Variants in MTHFD1L observed in about 807,000 individuals in gnomAD.
MTHFD1L encodes the protein methylenetetrahydrofolate dehydrogenase (NADP+ dependent) 1 like, also known as monofunctional C1-tetrahydrofolate synthase, mitochondrial.
In MTHFD1L, 81 loss-of-function variants were observed where a neutral mutation model predicts 119.5. The observed-to-expected ratio is 0.68, with a 90% CI of 0.57 to 0.82. The LOEUF is 0.82. MTHFD1L is among the 40% of genes least tolerant of loss of function. The pLI, the probability that MTHFD1L is intolerant of heterozygous loss-of-function variation, is 0.00. For missense variants in MTHFD1L, 1,125 were observed against 1,253.4 expected (o/e 0.90, Z 1.55); for synonymous variants, 430 against 475.2 (o/e 0.90, Z 1.24).
At position 150,865,752 on chromosome 6, in the gene MTHFD1L, C is replaced by A; in HGVS notation, c.-71C>A. On this transcript the variant is annotated 5_prime_UTR_variant, in exon 1 of 28. Coordinates refer to ENST00000367321, the MANE Select transcript of MTHFD1L (RefSeq NM_015440.5). ...GCCGCCGCCGCCGCCGCCGCCTGCT[C>A]CCCTGGCACGCGCCCCGCCGCCCTC... 8.4e-7 allele frequency: 1 copy of A among 1,188,378 alleles called. No individual in the cohort carries two copies. The highest frequency in any genetic ancestry group is 1.0e-6 in the Non-Finnish European group (1 of 957,002). 73.6% of individuals were successfully genotyped at this position (1,188,378 alleles called of 1,614,324 possible).
intron 24 of MTHFD1L, among the ~76,000 whole-genome samples, chr6:151,017,936 G>A (rs1783387709): frequency 6.8e-6 from 1 of 148,114 alleles, no homozygotes; most frequent in Non-Finnish European, 1.5e-5. Flanking sequence ...CCGGGTTCAT[G>A]CCATGTTTTC....
chr6:151,061,874 G>A (rs1016094223), intron 26 of MTHFD1L, among the ~76,000 whole-genome samples: 5 of 152,196 alleles, frequency 3.3e-5, no homozygotes, highest in African/African-American at 1.2e-4. Flanking sequence ...TTTCAAGTCT[G>A]TTACTCCTTC....
chr6:150,916,821 G>A (rs1788053963), intron 8 of MTHFD1L, among the ~76,000 whole-genome samples: 1 of 124,826 alleles, frequency 8.0e-6, no homozygotes, highest in Non-Finnish European at 1.6e-5. Context: ...GGAGAGCAAT[G>A]GCACGATCTC....
chr6:150,918,127 G>A (rs994039654), intron 8 of MTHFD1L, among the ~76,000 whole-genome samples: 7 of 148,624 alleles, frequency 4.7e-5, no homozygotes, highest in Non-Finnish European at 8.9e-5. Context: ...GTGCAGTGGC[G>A]TGATCTTGGC....
Position 150,909,154 on chromosome 6 carries a change from T to A in MTHFD1L, c.892+3393T>A, listed in dbSNP as rs116529053. 1.1e-3 allele frequency among the ~76,000 whole-genome samples: 168 copies of A among 152,148 alleles called. 1 individual carries two copies. Among genetic ancestry groups the A allele is most frequent in the African/African-American group, 4.0e-3 (164 of 41,516 alleles). On this transcript the variant is annotated intron_variant, in intron 8 of 27. Transcript: ENST00000367321. ...CCCAGACACAGAGCTCAGAAAACAA[T>A]TATACCCAGCTAGTTGGTTCTGTTC...
intron 26 of MTHFD1L, among the ~76,000 whole-genome samples, chr6:151,081,844 G>A (rs1793219118): frequency 6.6e-6 from 1 of 152,160 alleles, no homozygotes; most frequent in African/African-American, 2.4e-5. Context: ...CTGCGCCTTT[G>A]ATAACAAGCT....
At chr6:151,031,399 C>G (rs948186426) in intron 24 of MTHFD1L, among the ~76,000 whole-genome samples, 1 of 152,232 alleles carries the variant, frequency 6.6e-6, no homozygotes, top group Non-Finnish European at 1.5e-5. Flanking sequence ...CAGCCACTCA[C>G]AGTCAGGCCC....
chr6:150,978,279 G>C (rs889714559), intron 20 of MTHFD1L, among the ~76,000 whole-genome samples: 1 of 152,082 alleles, frequency 6.6e-6, no homozygotes, highest in Non-Finnish European at 1.5e-5. Context: ...AGAAAGAACT[G>C]TTGGTGCATA....
intron 26 of MTHFD1L, among the ~76,000 whole-genome samples, chr6:151,047,894 G>A (rs752240471): frequency 7.2e-5 from 11 of 152,122 alleles, no homozygotes; most frequent in African/African-American, 2.2e-4. Context: ...CAGGCTATAC[G>A]GGAAGCATGG....
At chr6:151,024,813 GT>G (rs373981930) in intron 24 of MTHFD1L, among the ~76,000 whole-genome samples, 6 of 151,808 alleles carry the variant, frequency 4.0e-5, no homozygotes, top group East Asian at 1.9e-4. Context: ...TGCCCGGCCT[GT>G]TTTTTTTGTG....
intron 26 of MTHFD1L, among the ~76,000 whole-genome samples, chr6:151,045,458 A>C (rs1029407947): frequency 6.6e-6 from 1 of 152,166 alleles, no homozygotes; most frequent in Admixed American, 6.5e-5. Flanking sequence ...AAATAAACAA[A>C]GAAACCTTGA....
Position 151,023,348 on chromosome 6 carries a change from C to T in MTHFD1L, c.2586+7655C>T, listed in dbSNP as rs116963553. On this transcript the variant is annotated intron_variant, in intron 24 of 27. Transcript: ENST00000367321. ...AGGCATGAGCCACTGCACCAAGCCC[C>T]GGATACCTCCTGCTTGACCAGACCT... Among the ~76,000 whole-genome samples the T allele has an allele frequency of 7.1e-3, 1,078 of 152,086 alleles. 3 individuals are homozygous for T. The highest frequency in any genetic ancestry group is 0.014 in the Middle Eastern group (4 of 292).
chr6:150,881,070 A>G (rs1380334777), intron 4 of MTHFD1L, among the ~76,000 whole-genome samples: 2 of 152,108 alleles, frequency 1.3e-5, no homozygotes, highest in Admixed American at 6.6e-5. Context: ...TTGCTTTGCT[A>G]TGAAGAATGT....
At chr6:150,997,600 G>T (rs1045178139) in intron 20 of MTHFD1L, among the ~76,000 whole-genome samples, 5 of 152,014 alleles carry the variant, frequency 3.3e-5, no homozygotes, top group Admixed American at 2.0e-4. Flanking sequence ...ACCAGCCTGG[G>T]CAACATGTCA....
Position 150,970,874 on chromosome 6 carries a change from GT to G in MTHFD1L, c.2014-1069del, listed in dbSNP as rs564030367. ...TTTTCTCACCAACTCCATACTGGGA[GT>G]TTTAAAACCAGAGCCCTAATCTTGA... On this transcript the variant is annotated intron_variant, in intron 19 of 27. Transcript: ENST00000367321. Among the ~76,000 whole-genome samples the G allele has an allele frequency of 2.5e-3, 388 of 152,304 alleles. 1 individual carries two copies. Among genetic ancestry groups the G allele is most frequent in the African/African-American group, 9.0e-3 (372 of 41,562 alleles).
chr6:151,054,476 G>A (rs183091105), intron 26 of MTHFD1L, among the ~76,000 whole-genome samples: 41 of 152,250 alleles, frequency 2.7e-4, no homozygotes, highest in African/African-American at 9.1e-4. Context: ...CAGTTCATCC[G>A]AAGTGCACGA....
chr6:151,003,542 A>G lies in MTHFD1L; in HGVS notation c.2126-6277A>G, dbSNP rs576388840. On this transcript the variant is annotated intron_variant, in intron 20 of 27. Coordinates refer to ENST00000367321, the MANE Select transcript of MTHFD1L (RefSeq NM_015440.5). ...AGTGAAACTCCATATCCAAAAAAAA[A>G]GGGGGGAAAGGTCAGAAAGACGTTC... 3.4e-4 allele frequency among the ~76,000 whole-genome samples: 52 copies of G among 151,836 alleles called. 1 individual carries two copies. The highest frequency in any genetic ancestry group is 1.2e-3 in the African/African-American group (48 of 41,386).
At chr6:150,977,593 G>A in intron 20 of MTHFD1L, among the ~76,000 whole-genome samples, 1 of 152,186 alleles carries the variant, frequency 6.6e-6, no homozygotes, top group East Asian at 1.9e-4. Flanking sequence ...GGAAAAAGCA[G>A]TATTGAGTTC....
At chr6:151,083,644 A>G (rs146738002) in intron 26 of MTHFD1L, among the ~76,000 whole-genome samples, 2 of 152,298 alleles carry the variant, frequency 1.3e-5, no homozygotes, top group African/African-American at 4.8e-5. Flanking sequence ...TTGCCAACCC[A>G]CTAGAGAGTT....
Sources: gnomAD v4.1 joint callset for allele counts (sites outside exome capture counted in the v4.1 genomes callset) on GRCh38, gnomAD v4.1.1 for gene constraint, MANE v1.5 for transcripts, NCBI Gene and HGNC (gene_info 2026-07-23, HGNC 2026-07-21) for gene names.